ECSIT: variants seen among roughly 807,000 people sequenced by gnomAD.
The protein encoded by ECSIT is evolutionarily conserved signaling intermediate in Toll pathway, mitochondrial.
Under a neutral mutation model 36.8 loss-of-function variants are expected in ECSIT, and 29 were observed. That is an observed-to-expected ratio of 0.79 (90% CI 0.59 to 1.08). ECSIT has a LOEUF of 1.08. Ranked by LOEUF, ECSIT falls within the 50% of genes least tolerant of loss-of-function variation. The pLI is 0.00. For synonymous variants in ECSIT, 231 were observed against 234.8 expected (o/e 0.98, Z 0.15); for missense variants, 542 against 581.0 (o/e 0.93, Z 0.69).
At chr19:11,523,758 T>G (rs570489314) in intron 1 of ECSIT, 1 of 680,710 alleles carries the variant, frequency 1.5e-6, no homozygotes, top group South Asian at 1.4e-5. Flanking sequence ...TGCAGTTGTG[T>G]AGTAGTTAAG....
At position 11,507,565 on chromosome 19, in the gene ECSIT, A is replaced by G; in HGVS notation, c.946-3T>C. ...TCCTCCGGCGTCTCTTCCACTTCCTACTCCAAGGTGGGGAGTGCAGGCGGG... is the reference window on the plus strand; with the variant it reads ...TCCTCCGGCGTCTCTTCCACTTCCTGCTCCAAGGTGGGGAGTGCAGGCGGG... On this transcript the variant is annotated splice_polypyrimidine_tract_variant and splice_region_variant and intron_variant, in intron 6 of 7. Transcript: ENST00000270517. 6.2e-7 allele frequency: 1 copy of G among 1,612,388 alleles called. No homozygotes were observed. Among genetic ancestry groups the G allele is most frequent in the Non-Finnish European group, 8.5e-7 (1 of 1,179,628 alleles).
chr19:11,521,122 T>G (rs1972094510), intron 1 of ECSIT, among the ~76,000 whole-genome samples: 1 of 152,218 alleles, frequency 6.6e-6, no homozygotes. Context: ...GAATGGAATA[T>G]AACCAGGTTT....
At chr19:11,526,021 G>A (rs567598322) in intron 1 of ECSIT, among the ~76,000 whole-genome samples, 10 of 151,766 alleles carry the variant, frequency 6.6e-5, no homozygotes, top group South Asian at 6.3e-4. Flanking sequence ...CTGGAGTGCA[G>A]TGGTGCAATC....
rs118135038 is a variant in ECSIT, at chr19:11,509,348, C to T, written c.739-1300G>A. 1.2e-3 allele frequency among the ~76,000 whole-genome samples: 182 copies of T among 151,170 alleles called. 3 individuals carry two copies. The East Asian group carries it at 0.028, about 24-fold the overall frequency. ...TCAGCCTCCCAAAGCATTGGGATTA[C>T]AGGCATAAGCCACTGCGCCCCGCTG... On this transcript the variant is annotated intron_variant, in intron 4 of 7. Coordinates refer to ENST00000270517, the MANE Select transcript of ECSIT (RefSeq NM_016581.5).
At chr19:11,514,309 A>T in intron 2 of ECSIT, 88 bp from the exon 3 acceptor site, 1 of 1,308,642 alleles carries the variant, frequency 7.6e-7, no homozygotes, top group South Asian at 1.5e-5. Flanking sequence ...GAGAGGTCCC[A>T]GTGGCCTCCC....
At chr19:11,506,778 A>G (rs936837473) in intron 7 of ECSIT, among the ~76,000 whole-genome samples, 1 of 150,868 alleles carries the variant, frequency 6.6e-6, no homozygotes, top group African/African-American at 2.4e-5. Context: ...CAAATGATCT[A>G]CCCGCCTCAG....
At chr19:11,527,973 C>A (rs1462002040) in intron 1 of ECSIT, among the ~76,000 whole-genome samples, 2 of 152,086 alleles carry the variant, frequency 1.3e-5, no homozygotes, top group East Asian at 3.8e-4. Flanking sequence ...GCACTCCAGG[C>A]TTGACGAACA....
chr19:11,512,296 G>C (rs189325706), intron 4 of ECSIT, among the ~76,000 whole-genome samples: 1 of 152,170 alleles, frequency 6.6e-6, no homozygotes, highest in Non-Finnish European at 1.5e-5. Flanking sequence ...CGTGAGCCAA[G>C]ATAGTGCTAC....
intron 4 of ECSIT, among the ~76,000 whole-genome samples, chr19:11,508,253 C>A (rs1255785526): frequency 6.6e-6 from 1 of 152,132 alleles, no homozygotes; most frequent in East Asian, 1.9e-4. Flanking sequence ...AGGGAACTAC[C>A]CTAGAACCAG....
At position 11,507,541 on chromosome 19, in the gene ECSIT, C is replaced by T; in HGVS notation, c.967G>A (p.Glu323Lys). 1.2e-6 allele frequency: 2 copies of T among 1,614,128 alleles called. No homozygotes were observed. Among genetic ancestry groups the T allele is most frequent in the Non-Finnish European group, 1.7e-6 (2 of 1,180,016 alleles). ...TGCATCGGGTAGTAGAGGTTCCACTCCTCCGGCGTCTCTTCCACTTCCTAC... is the reference window on the plus strand; with the variant it reads ...TGCATCGGGTAGTAGAGGTTCCACTTCTCCGGCGTCTCTTCCACTTCCTAC... ...EEREVEETPE[E>K]WNLYYPMQLD... The change falls in exon 7 of 8, where the codon GAG becomes AAG. Residue 323 changes from glutamate (E) to lysine (K), a missense_variant. Glu to Lys is a moderately conservative substitution (Grantham distance 56). Coordinates refer to ENST00000270517, the MANE Select transcript of ECSIT (RefSeq NM_016581.5).
At chr19:11,523,592 G>T in intron 1 of ECSIT, 1 of 969,406 alleles carries the variant, frequency 1.0e-6, no homozygotes, top group South Asian at 1.3e-5. Flanking sequence ...TTGTGTGCTT[G>T]ATCCAACTGT....
At chr19:11,513,640 G>A (rs1429561502) in intron 3 of ECSIT, among the ~76,000 whole-genome samples, 164 bp downstream of exon 3, 1 of 150,184 alleles carries the variant, frequency 6.7e-6, no homozygotes, top group Non-Finnish European at 1.5e-5. Context: ...GTCAGAGGGA[G>A]GCAAGAAAGA....
At position 11,513,038 on chromosome 19, in the gene ECSIT, G is replaced by C. The variant is rs202138471; in HGVS notation, c.738+18C>G. 6.2e-7 allele frequency: 1 copy of C among 1,612,362 alleles called. No homozygotes were observed. Among genetic ancestry groups the C allele is most frequent in the South Asian group, 1.1e-5 (1 of 91,030 alleles). On this transcript the variant is annotated intron_variant, in intron 4 of 7. Coordinates refer to ENST00000270517, the MANE Select transcript of ECSIT (RefSeq NM_016581.5). ...CTGGCCTGGGGTGGCAGCTGACGCT[G>C]TAGACAAGGGCGGATACCTGGTAGA...
chr19:11,511,820 G>A (rs1411207609), intron 4 of ECSIT, among the ~76,000 whole-genome samples: 1 of 151,898 alleles, frequency 6.6e-6, no homozygotes, highest in Non-Finnish European at 1.5e-5. Flanking sequence ...AGATCATGAG[G>A]TCAGGAGATC....
Position 11,520,757 on chromosome 19 carries a change from C to T in ECSIT, c.-23-1564G>A, listed in dbSNP as rs1267672840. Among the ~76,000 whole-genome samples the T allele has an allele frequency of 9.5e-5, 14 of 147,594 alleles. No homozygotes were observed. The Admixed American group carries it at 9.5e-4, about 10-fold the overall frequency. On this transcript the variant is annotated intron_variant, in intron 1 of 7. Transcript: ENST00000270517. The stretch of plus-strand genomic sequence containing the variant: ...CAAACTCCTTACCTTGTGATCCGTC[C>T]GCCTCAGCCTCCCGAAGTGCTGGGA...
At chr19:11,516,684 TACACACAC>T (rs142103677) in intron 2 of ECSIT, among the ~76,000 whole-genome samples, 2 of 148,354 alleles carry the variant, frequency 1.3e-5, no homozygotes, top group African/African-American at 4.9e-5. Context: ...TGTGTTTATC[TACACACAC>T]ACACACACAC....
intron 2 of ECSIT, among the ~76,000 whole-genome samples, chr19:11,518,607 T>G (rs892811556): frequency 2.7e-5 from 4 of 149,706 alleles, no homozygotes; most frequent in Admixed American, 6.7e-5. Flanking sequence ...AAATAAATTA[T>G]GGACTTTTGG....
At chr19:11,512,785 T>G (rs1479984597) in intron 4 of ECSIT, among the ~76,000 whole-genome samples, 2 of 150,618 alleles carry the variant, frequency 1.3e-5, no homozygotes, top group East Asian at 3.9e-4. Context: ...AAAAAAACAG[T>G]TTTTTTAATT....
rs767447219 is a variant in ECSIT, at chr19:11,508,054, A to G, written c.739-6T>C. ...GAGTCTTTGGGCAAAGGAACCTGCA[A>G]GGGAGAGTAGGGATATAATCTTGTA... On this transcript the variant is annotated splice_region_variant and splice_polypyrimidine_tract_variant and intron_variant, in intron 4 of 7. Coordinates refer to ENST00000270517, the MANE Select transcript of ECSIT (RefSeq NM_016581.5). The G allele has an allele frequency of 6.2e-7, 1 of 1,614,144 alleles. No homozygotes were observed. Among genetic ancestry groups the G allele is most frequent in the Middle Eastern group, 1.6e-4 (1 of 6,062 alleles).
Sources: gnomAD v4.1 joint callset for allele counts (sites outside exome capture counted in the v4.1 genomes callset) on GRCh38, gnomAD v4.1.1 for gene constraint, MANE v1.5 for transcripts, NCBI Gene and HGNC (gene_info 2026-07-23, HGNC 2026-07-21) for gene names.